Variants in AP3B1 observed in about 807,000 individuals in gnomAD.
The protein encoded by AP3B1 is adaptor related protein complex 3 subunit beta 1.
AP3B1 carries 61 observed loss-of-function variants against 132.5 expected under a neutral mutation model. That is an observed-to-expected ratio of 0.46 (90% CI 0.37 to 0.57). The LOEUF is 0.57. AP3B1 is among the 20% of genes least tolerant of loss of function. The pLI, the probability that AP3B1 is intolerant of heterozygous loss-of-function variation, is 0.00. For synonymous variants in AP3B1, 388 were observed against 438.3 expected (o/e 0.89, Z 1.43); for missense variants, 1,120 against 1,289.4 (o/e 0.87, Z 2.01).
At chr5:78,161,000 GA>G (rs145110752) in intron 13 of AP3B1, among the ~76,000 whole-genome samples, 4,606 of 144,710 alleles carry the variant, frequency 0.032, 138 homozygotes, top group East Asian at 0.13. Flanking sequence ...CACACTGCAG[GA>G]AAAAAAAAAC....
chr5:78,178,294 C>T (rs1744232129), intron 8 of AP3B1, among the ~76,000 whole-genome samples: 1 of 152,080 alleles, frequency 6.6e-6, no homozygotes, highest in South Asian at 2.1e-4. Flanking sequence ...AAACACAGAA[C>T]CTTAAAAATG....
intron 22 of AP3B1, among the ~76,000 whole-genome samples, chr5:78,062,899 C>T (rs1025303809): frequency 6.6e-6 from 1 of 152,106 alleles, no homozygotes; most frequent in Non-Finnish European, 1.5e-5. Flanking sequence ...ACCAAATGAA[C>T]AAATTATGAT....
chr5:78,281,365 C>T (rs1232742540), intron 1 of AP3B1, among the ~76,000 whole-genome samples: 1 of 140,012 alleles, frequency 7.1e-6, no homozygotes, highest in African/African-American at 2.7e-5. Context: ...ACCTAGGAAG[C>T]AGAGATTGCA....
chr5:78,010,451 T>C (rs1005656624), intron 26 of AP3B1, among the ~76,000 whole-genome samples: 1 of 152,154 alleles, frequency 6.6e-6, no homozygotes, highest in Non-Finnish European at 1.5e-5. Context: ...AACTCACACA[T>C]GATTTTTTTG....
At chr5:78,020,900 C>T in intron 24 of AP3B1, 111 bp from the exon 25 acceptor site, 1 of 876,834 alleles carries the variant, frequency 1.1e-6, no homozygotes, top group South Asian at 1.5e-5. Context: ...AGTATAAGAC[C>T]TTTTTGGTTT....
intron 2 of AP3B1, among the ~76,000 whole-genome samples, chr5:78,242,506 G>A (rs542272896): frequency 1.1e-4 from 17 of 152,026 alleles, no homozygotes; most frequent in East Asian, 3.9e-4. Flanking sequence ...TCCCGGGTTC[G>A]AGCGATTCTC....
At chr5:78,120,474 C>G (rs1437449812) in intron 17 of AP3B1, among the ~76,000 whole-genome samples, 1 of 152,092 alleles carries the variant, frequency 6.6e-6, no homozygotes, top group African/African-American at 2.4e-5. Context: ...CACACATAAA[C>G]TCAAAATAAA....
At chr5:78,240,478 G>A (rs1747078962) in intron 3 of AP3B1, among the ~76,000 whole-genome samples, 3 of 152,086 alleles carry the variant, frequency 2.0e-5, no homozygotes, top group Admixed American at 2.0e-4. Flanking sequence ...CTCAGTCCTA[G>A]AAATCCCAAA....
At chr5:78,038,906 T>G (rs1292624893) in intron 23 of AP3B1, 137 bp downstream of exon 23, 3 of 630,838 alleles carry the variant, frequency 4.8e-6, no homozygotes, top group Non-Finnish European at 8.2e-6. Context: ...AAAGCAAATA[T>G]AAACTGAATA....
At chr5:78,037,182 A>G (rs1747841874) in intron 23 of AP3B1, among the ~76,000 whole-genome samples, 1 of 152,190 alleles carries the variant, frequency 6.6e-6, no homozygotes, top group Non-Finnish European at 1.5e-5. Flanking sequence ...AGGTCAACTC[A>G]TCAACTCATT....
At chr5:78,202,552 AGTGTGTGTGTGTGTGTGT>A (rs36209977) in intron 7 of AP3B1, among the ~76,000 whole-genome samples, 82 of 146,148 alleles carry the variant, frequency 5.6e-4, no homozygotes, top group African/African-American at 1.9e-3. Context: ...CCATATATTC[AGTGTGTGTGTGTGTGTGT>A]GTGTGTGTGT....
intron 11 of AP3B1, among the ~76,000 whole-genome samples, chr5:78,169,078 C>A (rs1186257344): frequency 1.3e-5 from 2 of 152,084 alleles, no homozygotes; most frequent in African/African-American, 4.8e-5. Context: ...CTATATGGTA[C>A]ATTTTTGCGT....
rs574048736 is a variant in AP3B1, at chr5:78,039,088, T to C, written c.2764A>G (p.Lys922Glu). 6 of 1,612,100 alleles carry C rather than the reference T, an allele frequency of 3.7e-6. No individual in the cohort carries two copies. The highest frequency in any genetic ancestry group is 2.2e-5 in the East Asian group (1 of 44,858). The change falls in exon 23 of 27, where the codon AAA becomes GAA. Residue 922 changes from lysine (K) to glutamate (E), a missense_variant. Lys to Glu is a moderately conservative substitution (Grantham distance 56). Around this residue, in one of 3 missense-constraint regions of AP3B1, gnomAD observed 906 missense variants for 997.1 expected, o/e 0.91. Coordinates refer to ENST00000255194, the MANE Select transcript of AP3B1 (RefSeq NM_003664.5). ...RKIENIHIGE[K>E]KLPIGMKMHV... is the part of the protein sequence containing the mutation. ...ATTTTCATGCCTATAGGAAGTTTTT[T>C]TTCCCCTATGTGGATATTTTCTATC...
rs1751516201 is a variant in AP3B1, at chr5:78,110,268, G to A, written c.2336C>T (p.Ser779Phe). ...TTCTGACTCTGATTCAGAATCGGAA[G>A]AACTGTCTTCTATTGAACTAGATTC... ...NDESSSIEDS[S>F]SDSESESEPE... Residue 779 changes from serine to phenylalanine, a missense_variant, in exon 20 of 27, where the codon TCT (serine) becomes TTT (phenylalanine). Ser to Phe is a radical substitution (Grantham distance 155). This residue lies in a region of AP3B1 where 906 missense variants were observed against 997.1 expected (regional missense o/e 0.91). Transcript: ENST00000255194. 1.9e-6 allele frequency: 3 copies of A among 1,609,254 alleles called. No individual in the cohort carries two copies. The highest frequency in any genetic ancestry group is 1.7e-5 in the Admixed American group (1 of 59,768).
At chr5:78,242,235 T>C (rs1170092612) in intron 2 of AP3B1, among the ~76,000 whole-genome samples, 1 of 152,192 alleles carries the variant, frequency 6.6e-6, no homozygotes, top group Non-Finnish European at 1.5e-5. Flanking sequence ...AAAATGACCT[T>C]ACTCACTACT....
At chr5:78,199,972 A>G (rs185152335) in intron 7 of AP3B1, among the ~76,000 whole-genome samples, 20 of 152,252 alleles carry the variant, frequency 1.3e-4, no homozygotes, top group East Asian at 5.8e-4. Flanking sequence ...GTCACTGGGG[A>G]AAAAAATCAT....
At chr5:78,250,899 C>T (rs1384672171) in intron 2 of AP3B1, among the ~76,000 whole-genome samples, 1 of 151,726 alleles carries the variant, frequency 6.6e-6, no homozygotes, top group Admixed American at 6.6e-5. Flanking sequence ...ACTTCAATGC[C>T]AGCTCAAAAA....
At chr5:78,178,216 C>T (rs1744229143) in intron 8 of AP3B1, among the ~76,000 whole-genome samples, 1 of 152,216 alleles carries the variant, frequency 6.6e-6, no homozygotes, top group South Asian at 2.1e-4. Context: ...ATTTAAGTTA[C>T]AATTAAAGAA....
At chr5:78,286,834 C>T (rs928457468) in intron 1 of AP3B1, among the ~76,000 whole-genome samples, 1 of 152,138 alleles carries the variant, frequency 6.6e-6, no homozygotes, top group Non-Finnish European at 1.5e-5. Context: ...TTAAGTCTTT[C>T]CAGCTGATAG....
Sources: allele counts gnomAD v4.1 joint callset (sites outside exome capture counted in the v4.1 genomes callset), GRCh38; gene constraint gnomAD v4.1.1; regional missense constraint gnomAD v4.1.1; transcripts MANE v1.5; gene names NCBI Gene and HGNC (gene_info 2026-07-23, HGNC 2026-07-21).